Variants in PCDHGA2 observed in about 807,000 individuals in gnomAD.
PCDHGA2 encodes the protein protocadherin gamma-A2.
In PCDHGA2, 40 loss-of-function variants were observed where a neutral mutation model predicts 59.2. The ratio of observed to expected loss-of-function variants is 0.68; its 90% CI spans 0.52 to 0.88. PCDHGA2 has a LOEUF of 0.88. Among genes scored for constraint, PCDHGA2 ranks in the 40% least tolerant of loss-of-function variants. PCDHGA2 has a pLI of 0.00. For missense variants in PCDHGA2, 1,226 were observed against 1,204.0 expected (o/e 1.02, Z -0.27); for synonymous variants, 560 against 526.0 (o/e 1.06, Z -0.89).
chr5:141,511,373 G>T lies in PCDHGA2; in HGVS notation c.*200G>T. On this transcript the variant is annotated 3_prime_UTR_variant, in exon 4 of 4. Transcript: ENST00000394576. ...CCCCCAGGGGGTTGAATATGCAAAA[G>T]CAGTTCCGCTGGGAACCCCCATCCA... 8.0e-7 allele frequency: 1 copy of T among 1,251,332 alleles called. No homozygotes were observed. The highest frequency in any genetic ancestry group is 1.6e-5 in the South Asian group (1 of 63,796). The allele number at this position is 1,251,332 out of a possible 1,614,324, so 77.5% of individuals were successfully genotyped here.
intron 1 of PCDHGA2, chr5:141,361,238 T>C: frequency 1.2e-6 from 2 of 1,613,980 alleles, no homozygotes; most frequent in South Asian, 2.2e-5. Context: ...GTGATCGCCT[T>C]GATAAAAACG....
chr5:141,428,267 T>C, intron 1 of PCDHGA2: 1 of 796,264 alleles, frequency 1.3e-6, no homozygotes, highest in Non-Finnish European at 2.1e-6. Context: ...GACAGTCCTG[T>C]GCCCTCTGAT....
chr5:141,486,608 G>A lies in PCDHGA2; in HGVS notation c.2425-8199G>A. On this transcript the variant is annotated intron_variant, in intron 1 of 3. Transcript: ENST00000394576. The surrounding 1 kb of genome is among the most constrained non-coding windows in gnomAD (Gnocchi z 5.0). ...AGGGGACCTGCTTTGCTCCCTTGCAGCCTCTGACCCAGACTCTGGCTTGAA... is the reference window on the plus strand; with the variant it reads ...AGGGGACCTGCTTTGCTCCCTTGCAACCTCTGACCCAGACTCTGGCTTGAA... 3 of 1,613,546 alleles carry A rather than the reference G, an allele frequency of 1.9e-6. No homozygotes were observed. The highest frequency in any genetic ancestry group is 2.5e-6 in the Non-Finnish European group (3 of 1,180,024).
chr5:141,416,452 A>T (rs2154546483), intron 1 of PCDHGA2: 1 of 152,342 alleles, frequency 6.6e-6, no homozygotes, highest in African/African-American at 2.4e-5. Flanking sequence ...ATGGGTTGGG[A>T]AGACAGATAA....
intron 1 of PCDHGA2, chr5:141,409,051 C>T (rs767003760): frequency 3.7e-6 from 6 of 1,614,032 alleles, no homozygotes; most frequent in Non-Finnish European, 5.1e-6. Context: ...ACTTCCGAAG[C>T]ACTGCCCAGA....
intron 1 of PCDHGA2, chr5:141,383,383 G>A: frequency 6.2e-7 from 1 of 1,614,036 alleles, no homozygotes; most frequent in Non-Finnish European, 8.5e-7. Flanking sequence ...GGATCCAGAT[G>A]TGGGCACGAA....
intron 1 of PCDHGA2, among the ~76,000 whole-genome samples, chr5:141,358,066 C>T (rs1760810075): frequency 1.3e-5 from 2 of 152,032 alleles, no homozygotes; most frequent in South Asian, 4.2e-4. Context: ...GGTGTGTGCC[C>T]GTAGTCCCAG....
rs2734872 is a variant in PCDHGA2 at position 141,474,454 on chromosome 5, C to T, written c.2425-20353C>T. On this transcript the variant is annotated intron_variant, in intron 1 of 3. Transcript: ENST00000394576. ...ACACTTTGAGTAGCAAGTGATTGGG[C>T]TATACTCTTTATTCTAAATTCTAAA... Among the ~76,000 whole-genome samples, 6 of 152,308 alleles carry T rather than the reference C, an allele frequency of 3.9e-5. No individual in the cohort carries two copies. The East Asian group carries it at 1.2e-3, about 29-fold the overall frequency.
intron 1 of PCDHGA2, chr5:141,416,429 G>A (rs952059043): frequency 1.3e-5 from 2 of 152,144 alleles, no homozygotes; most frequent in African/African-American, 4.8e-5. Flanking sequence ...AGTGACTAAG[G>A]CTGAAAGTAA....
intron 1 of PCDHGA2, among the ~76,000 whole-genome samples, chr5:141,446,247 A>T (rs969960822): frequency 6.6e-6 from 1 of 152,160 alleles, no homozygotes; most frequent in African/African-American, 2.4e-5. Context: ...GTAGATCTTC[A>T]GTGAAATATT....
At chr5:141,497,060 G>T (rs1244885752) in intron 2 of PCDHGA2, among the ~76,000 whole-genome samples, 1 of 151,952 alleles carries the variant, frequency 6.6e-6, no homozygotes, top group Non-Finnish European at 1.5e-5. Context: ...GTGGTGGCAG[G>T]CACCTGTAAT....
Position 141,382,863 on chromosome 5 carries a change from C to G in PCDHGA2, c.2424+41468C>G, listed in dbSNP as rs1214467888. 4 of 1,516,660 alleles carry G rather than the reference C, an allele frequency of 2.6e-6. No homozygotes were observed. The South Asian group carries it at 4.0e-5, about 15-fold the overall frequency. The allele number at this position is 1,516,660 out of a possible 1,614,324, so 94.0% of individuals were successfully genotyped here. On this transcript the variant is annotated intron_variant, in intron 1 of 3. Coordinates refer to ENST00000394576, the MANE Select transcript of PCDHGA2 (RefSeq NM_018915.4). ...ATACACCCGCATTCTGAAGCACTTC[C>G]CGAGATCGGCGCCTAAGCAAGAGAA... is the stretch of plus-strand genomic sequence containing the variant.
chr5:141,360,622 G>A (rs1761678618), intron 1 of PCDHGA2: 3 of 1,613,988 alleles, frequency 1.9e-6, no homozygotes, highest in Non-Finnish European at 2.5e-6. Context: ...TTCAGATGTT[G>A]GTCCTAACTC....
At chr5:141,362,336 A>T in intron 1 of PCDHGA2, 1 of 1,614,052 alleles carries the variant, frequency 6.2e-7, no homozygotes, top group Non-Finnish European at 8.5e-7. Context: ...CTCAGCTCCA[A>T]GCCTGGACCT....
intron 1 of PCDHGA2, chr5:141,372,696 C>T: frequency 6.2e-7 from 1 of 1,613,994 alleles, no homozygotes; most frequent in Non-Finnish European, 8.5e-7. Context: ...GTTTAAATTT[C>T]TCAATATAAA....
At chr5:141,355,451 T>A (rs1759859911) in intron 1 of PCDHGA2, 3 of 1,613,958 alleles carry the variant, frequency 1.9e-6, no homozygotes, top group Non-Finnish European at 2.5e-6. Flanking sequence ...AGCGGCACCT[T>A]GGTCACCGCG....
chr5:141,409,907 C>T (rs1370065492), intron 1 of PCDHGA2: 1 of 1,613,294 alleles, frequency 6.2e-7, no homozygotes, highest in East Asian at 2.2e-5. Flanking sequence ...AGCTCTGGGT[C>T]CTGACGGCTC....
intron 1 of PCDHGA2, chr5:141,441,824 G>A (rs1561905347): frequency 5.6e-6 from 2 of 356,750 alleles, no homozygotes; most frequent in South Asian, 4.7e-5. Flanking sequence ...GCTCTGGAGC[G>A]CAATGGCTTC....
Position 141,505,488 on chromosome 5 carries a change from G to A in PCDHGA2, c.2572+7G>A. On this transcript the variant is annotated splice_region_variant and intron_variant, in intron 3 of 3. Transcript: ENST00000394576. Reference sequence around the variant, plus strand: ...ATCTTGGCGTCCGCCAGTGGTAAGTGGTGTCAGTGTGTGTATGGAAGAGTG... The same window carrying A: ...ATCTTGGCGTCCGCCAGTGGTAAGTAGTGTCAGTGTGTGTATGGAAGAGTG... The A allele has an allele frequency of 6.2e-7, 1 of 1,614,222 alleles. No individual in the cohort carries two copies. The highest frequency in any genetic ancestry group is 8.5e-7 in the Non-Finnish European group (1 of 1,180,018).
Sources: allele counts gnomAD v4.1 joint callset (sites outside exome capture counted in the v4.1 genomes callset), GRCh38; gene constraint gnomAD v4.1.1; non-coding constraint Gnocchi (gnomAD v3.1); transcripts MANE v1.5; gene names NCBI Gene and HGNC (gene_info 2026-07-23, HGNC 2026-07-21).